WDR25: variants seen among roughly 807,000 people sequenced by gnomAD.
WDR25 encodes the protein WD repeat-containing protein 25.
A neutral mutation model predicts 47.7 loss-of-function variants in WDR25; 35 were observed. The observed-to-expected ratio is 0.73, with a 90% CI of 0.56 to 0.97. WDR25 has a LOEUF of 0.97. Among genes scored for constraint, WDR25 ranks in the 50% least tolerant of loss-of-function variants. WDR25 has a pLI of 0.00. For missense variants in WDR25, 634 were observed against 704.7 expected, an observed-to-expected ratio of 0.90 and a Z score of 1.14; for synonymous variants, 248 against 278.9, an observed-to-expected ratio of 0.89 and a Z score of 1.10.
At chr14:100,385,030 G>C (rs1896987937) in intron 2 of WDR25, among the ~76,000 whole-genome samples, 1 of 152,200 alleles carries the variant, frequency 6.6e-6, no homozygotes, top group African/African-American at 2.4e-5. Flanking sequence ...GCAATGCCTG[G>C]CACATAGCAG....
intron 2 of WDR25, among the ~76,000 whole-genome samples, chr14:100,437,413 A>C (rs1016788765): frequency 5.9e-5 from 9 of 152,196 alleles, no homozygotes; most frequent in African/African-American, 2.2e-4. Flanking sequence ...TCAGTGCCCA[A>C]GAAGTGGTAC....
intron 4 of WDR25, among the ~76,000 whole-genome samples, chr14:100,512,906 T>G (rs1048797979): frequency 1.3e-5 from 2 of 152,254 alleles, no homozygotes; most frequent in Non-Finnish European, 2.9e-5. Context: ...TGCCTCTTTG[T>G]TATTTTTTCT....
At chr14:100,452,875 G>C (rs1899083125) in intron 2 of WDR25, among the ~76,000 whole-genome samples, 2 of 152,140 alleles carry the variant, frequency 1.3e-5, no homozygotes, top group Admixed American at 1.3e-4. Flanking sequence ...ATACAGTTGA[G>C]TGGTATTAGA....
At chr14:100,528,038 C>G (rs1304722506) in intron 5 of WDR25, among the ~76,000 whole-genome samples, 1 of 152,110 alleles carries the variant, frequency 6.6e-6, no homozygotes, top group Admixed American at 6.5e-5. Context: ...TCCTCACTTA[C>G]TGTGCATTTT....
chr14:100,512,439 C>T (rs182155358), intron 4 of WDR25, among the ~76,000 whole-genome samples: 1 of 152,074 alleles, frequency 6.6e-6, no homozygotes, highest in Non-Finnish European at 1.5e-5. Context: ...GTGATACCAC[C>T]TCATTTCTCT....
intron 2 of WDR25, among the ~76,000 whole-genome samples, chr14:100,398,901 C>A (rs1258676056): frequency 1.3e-5 from 2 of 150,734 alleles, no homozygotes; most frequent in African/African-American, 4.9e-5. Flanking sequence ...CTTGAAGCTA[C>A]AGTTAAGCTC....
chr14:100,424,618 G>T lies in WDR25; in HGVS notation c.822+42872G>T, dbSNP rs566005938. Among the ~76,000 whole-genome samples, 1 of 152,200 alleles carries T rather than the reference G, an allele frequency of 6.6e-6. No homozygotes were observed. The highest frequency in any genetic ancestry group is 1.5e-5 in the Non-Finnish European group (1 of 68,048). On this transcript the variant is annotated intron_variant, in intron 2 of 6. Coordinates refer to ENST00000402312, the MANE Select transcript of WDR25 (RefSeq NM_001161476.3). This position sits in a 1 kb window ranked among gnomAD's most constrained non-coding sequence, Gnocchi z 4.2. ...GCCCTGCTGCCTGTCCAGTGTTTGC[G>T]TGGGAATGTCTTGGGCCTGGGGATG...
intron 2 of WDR25, among the ~76,000 whole-genome samples, chr14:100,400,446 A>G (rs542630680): frequency 2.0e-5 from 3 of 152,358 alleles, no homozygotes; most frequent in South Asian, 2.1e-4. Flanking sequence ...GAGTTTTGCC[A>G]TTCAGCCAGC....
At chr14:100,483,262 T>C (rs538099405) in intron 3 of WDR25, among the ~76,000 whole-genome samples, 1 of 152,298 alleles carries the variant, frequency 6.6e-6, no homozygotes, top group East Asian at 1.9e-4. Flanking sequence ...AAAAAGACGT[T>C]TTCCACACCA....
chr14:100,482,941 C>T (rs996167787), intron 3 of WDR25, among the ~76,000 whole-genome samples: 23 of 152,208 alleles, frequency 1.5e-4, no homozygotes, highest in African/African-American at 4.3e-4. Context: ...CACCTCTGAG[C>T]GAAGCCTCCT....
chr14:100,470,283 A>C (rs1899784780), intron 3 of WDR25, among the ~76,000 whole-genome samples: 1 of 152,166 alleles, frequency 6.6e-6, no homozygotes, highest in Non-Finnish European at 1.5e-5. Context: ...GGGGCAGATG[A>C]GTCTGAGGAG....
At chr14:100,448,193 C>CAAAAA (rs111428141) in intron 2 of WDR25, among the ~76,000 whole-genome samples, 1 of 110,220 alleles carries the variant, frequency 9.1e-6, no homozygotes, top group African/African-American at 3.6e-5. Context: ...AACTCCGTCT[C>CAAAAA]AAAAAAAAAA....
chr14:100,405,234 T>A (rs1009629274), intron 2 of WDR25, among the ~76,000 whole-genome samples: 1 of 150,066 alleles, frequency 6.7e-6, no homozygotes, highest in African/African-American at 2.5e-5. Context: ...TGATCTCAGC[T>A]CACCGCAGCC....
At chr14:100,378,145 T>C (rs1225982038) in intron 1 of WDR25, among the ~76,000 whole-genome samples, 2 of 150,820 alleles carry the variant, frequency 1.3e-5, no homozygotes. Context: ...CCATGTATTG[T>C]GTATGATGGT....
chr14:100,433,850 A>C (rs1898415695), intron 2 of WDR25, among the ~76,000 whole-genome samples: 1 of 152,188 alleles, frequency 6.6e-6, no homozygotes, highest in East Asian at 1.9e-4. Flanking sequence ...TTCTGGGCTC[A>C]CTTATTCTTT....
intron 2 of WDR25, among the ~76,000 whole-genome samples, chr14:100,389,851 C>T (rs145931255): frequency 2.0e-5 from 3 of 152,128 alleles, no homozygotes; most frequent in Non-Finnish European, 4.4e-5. Flanking sequence ...GGAGCTCGGC[C>T]CCCCCATAGA....
In WDR25 at chr14:100,468,018, C is replaced by G; in HGVS notation, c.823-3C>G. On this transcript the variant is annotated splice_region_variant and splice_polypyrimidine_tract_variant and intron_variant, in intron 2 of 6. Transcript: ENST00000402312. This position sits in a 1 kb window ranked among gnomAD's most constrained non-coding sequence, Gnocchi z 4.5. ...ACCTGGTGCTGTCTGTGTTTGCCTGCAGGTATGGAACGCCGTGGACTCCGG... is the reference window on the plus strand; with the variant it reads ...ACCTGGTGCTGTCTGTGTTTGCCTGGAGGTATGGAACGCCGTGGACTCCGG... 6.2e-7 allele frequency: 1 copy of G among 1,612,540 alleles called. No homozygotes were observed.
At chr14:100,526,894 C>CCACCA (rs1210220331) in intron 5 of WDR25, among the ~76,000 whole-genome samples, 1 of 90,530 alleles carries the variant, frequency 1.1e-5, no homozygotes, top group Admixed American at 9.9e-5. Flanking sequence ...ATACCCACCA[C>CCACCA]CTCCACTGTC....
chr14:100,428,541 G>C lies in WDR25; in HGVS notation c.823-39480G>C, dbSNP rs1037000957. ...TGCCTGTCTCTCTGCGTTCTTAGTG[G>C]AGGTGGCCCCTGTGGTGGTCCCTGT... is the stretch of plus-strand genomic sequence containing the variant. On this transcript the variant is annotated intron_variant, in intron 2 of 6. Transcript: ENST00000402312. This position sits in a 1 kb window ranked among gnomAD's most constrained non-coding sequence, Gnocchi z 4.3. Among the ~76,000 whole-genome samples, 4 of 152,112 alleles carry C rather than the reference G, an allele frequency of 2.6e-5. No individual in the cohort carries two copies. Among genetic ancestry groups the C allele is most frequent in the African/African-American group, 9.7e-5 (4 of 41,424 alleles).
Sources: allele counts gnomAD v4.1 joint callset (sites outside exome capture counted in the v4.1 genomes callset), GRCh38; gene constraint gnomAD v4.1.1; non-coding constraint Gnocchi (gnomAD v3.1); transcripts MANE v1.5; gene names NCBI Gene and HGNC (gene_info 2026-07-23, HGNC 2026-07-21).